VAV2: variants seen among roughly 807,000 people sequenced by gnomAD.
The protein encoded by VAV2 is vav guanine nucleotide exchange factor 2, also known as guanine nucleotide exchange factor VAV2.
Under a neutral mutation model 132.5 loss-of-function variants are expected in VAV2, and 67 were observed. The ratio of observed to expected loss-of-function variants is 0.51; its 90% CI spans 0.42 to 0.62. VAV2 has a LOEUF of 0.62. Ranked by LOEUF, VAV2 falls within the 20% of genes least tolerant of loss-of-function variation. The probability of loss-of-function intolerance (pLI) is 0.00; values close to 1 mark genes in which losing one functional copy is unlikely to be tolerated. For synonymous variants in VAV2, 492 were observed against 443.5 expected (o/e 1.11, Z -1.37); for missense variants, 938 against 1,153.6 (o/e 0.81, Z 2.71).
intron 1 of VAV2, among the ~76,000 whole-genome samples, chr9:133,981,180 T>C (rs987722624): frequency 2.6e-5 from 4 of 152,138 alleles, no homozygotes; most frequent in African/African-American, 7.2e-5. Context: ...ATGGTCCTCA[T>C]GTGAGTATTA....
Position 133,885,531 on chromosome 9 carries a change from G to A in VAV2, c.322-24099C>T, listed in dbSNP as rs755592732. Among the ~76,000 whole-genome samples the A allele has an allele frequency of 7.9e-5, 12 of 152,166 alleles. No individual in the cohort carries two copies. Among genetic ancestry groups the A allele is most frequent in the South Asian group, 2.1e-4 (1 of 4,836 alleles). ...TCGTATTTACTAATAATGGTGCACCGCCAGGAGCGTGCAATGCCATTCAGA... is the reference window on the plus strand; with the variant it reads ...TCGTATTTACTAATAATGGTGCACCACCAGGAGCGTGCAATGCCATTCAGA... On this transcript the variant is annotated intron_variant, in intron 2 of 29. Transcript: ENST00000371850. The surrounding 1 kb of genome is among the most constrained non-coding windows in gnomAD (Gnocchi z 5.0).
chr9:133,850,641 G>T (rs1837130305), intron 3 of VAV2, among the ~76,000 whole-genome samples: 1 of 152,186 alleles, frequency 6.6e-6, no homozygotes, highest in South Asian at 2.1e-4. Flanking sequence ...AATGTGCCAG[G>T]CTCTAGGAGC....
intron 21 of VAV2, 27 bp from the exon 22 acceptor site, chr9:133,778,916 G>A: frequency 6.2e-7 from 1 of 1,607,446 alleles, no homozygotes; most frequent in East Asian, 2.2e-5. Context: ...AGCTCACTCA[G>A]TGACTCAGCA....
intron 4 of VAV2, among the ~76,000 whole-genome samples, chr9:133,815,877 C>T (rs1281779100): frequency 6.6e-6 from 1 of 152,170 alleles, no homozygotes; most frequent in Non-Finnish European, 1.5e-5. Context: ...AACTCCTGGT[C>T]AAAGGGGAGG....
At chr9:133,870,004 ATT>A (rs199576915) in intron 2 of VAV2, among the ~76,000 whole-genome samples, 1 of 151,268 alleles carries the variant, frequency 6.6e-6, no homozygotes, top group African/African-American at 2.4e-5. Context: ...GTTATCCTTC[ATT>A]TTTTTTTCTT....
At chr9:133,864,902 G>A (rs962801427) in intron 2 of VAV2, among the ~76,000 whole-genome samples, 3 of 152,196 alleles carry the variant, frequency 2.0e-5, no homozygotes, top group African/African-American at 7.2e-5. Context: ...AGCTCCTCCG[G>A]GGTAGGAACA....
chr9:133,872,719 C>T (rs776449526), intron 2 of VAV2, among the ~76,000 whole-genome samples: 7 of 142,700 alleles, frequency 4.9e-5, no homozygotes, highest in Middle Eastern at 3.6e-3. Flanking sequence ...GTGGAGTATC[C>T]GGGGCAGCAC....
chr9:133,797,629 A>C, intron 10 of VAV2, 81 bp downstream of exon 10: 1 of 1,233,300 alleles, frequency 8.1e-7, no homozygotes, highest in Non-Finnish European at 1.1e-6. Context: ...TGGGCAAGAG[A>C]GAGGCTGGTA....
intron 16 of VAV2, among the ~76,000 whole-genome samples, chr9:133,786,313 C>CAT (rs1834221441): frequency 6.6e-6 from 1 of 152,208 alleles, no homozygotes; most frequent in African/African-American, 2.4e-5. Flanking sequence ...TGTACTAACA[C>CAT]GTATGATGCA....
chr9:133,954,395 A>G (rs1424955849), intron 1 of VAV2, among the ~76,000 whole-genome samples: 1 of 152,250 alleles, frequency 6.6e-6, no homozygotes, highest in East Asian at 1.9e-4. Context: ...TGAGACGCCC[A>G]ACAGGAGAGA....
intron 1 of VAV2, among the ~76,000 whole-genome samples, chr9:133,978,369 C>G (rs560945413): frequency 1.1e-4 from 16 of 152,316 alleles, no homozygotes; most frequent in Admixed American, 2.6e-4. Flanking sequence ...GGCAGGCACC[C>G]CCTCCCCACC....
chr9:133,802,407 C>T lies in VAV2; in HGVS notation c.836+3674G>A, dbSNP rs1834968718. On this transcript the variant is annotated intron_variant, in intron 9 of 29. Transcript: ENST00000371850. The surrounding 1 kb of genome is among the most constrained non-coding windows in gnomAD (Gnocchi z 5.8). ...GAGCACCTCCCAGGGGCAGCCTCCCCCTCCCCCGCCCCACTCCGGCTGACT... is the reference window on the plus strand; with the variant it reads ...GAGCACCTCCCAGGGGCAGCCTCCCTCTCCCCCGCCCCACTCCGGCTGACT... 6.6e-6 allele frequency among the ~76,000 whole-genome samples: 1 copy of T among 151,654 alleles called. No homozygotes were observed. Among genetic ancestry groups the T allele is most frequent in the Admixed American group, 6.6e-5 (1 of 15,214 alleles).
chr9:133,930,052 C>T (rs1451755540), intron 2 of VAV2, among the ~76,000 whole-genome samples: 5 of 152,250 alleles, frequency 3.3e-5, no homozygotes, highest in Non-Finnish European at 7.3e-5. Flanking sequence ...GTCTGAGATT[C>T]TCAGCTGAAG....
intron 3 of VAV2, among the ~76,000 whole-genome samples, chr9:133,844,078 C>T (rs1348660173): frequency 1.3e-5 from 2 of 152,106 alleles, no homozygotes; most frequent in Non-Finnish European, 2.9e-5. Flanking sequence ...TCCAGAACCT[C>T]GGCAAGGCAG....
At chr9:133,922,258 AC>A (rs1840323810) in intron 2 of VAV2, among the ~76,000 whole-genome samples, 10 of 152,288 alleles carry the variant, frequency 6.6e-5, no homozygotes, top group Admixed American at 6.5e-4. Flanking sequence ...CATAGCCGTG[AC>A]CCCAGAGCGT....
intron 16 of VAV2, 181 bp from the exon 17 acceptor site, chr9:133,786,066 C>G (rs141924642): frequency 3.1e-6 from 2 of 651,804 alleles, no homozygotes; most frequent in Admixed American, 4.2e-5. Context: ...CCATGCTGTA[C>G]GTGCACACGT....
At chr9:133,932,940 G>C (rs1840738390) in intron 2 of VAV2, among the ~76,000 whole-genome samples, 1 of 152,224 alleles carries the variant, frequency 6.6e-6, no homozygotes. Flanking sequence ...CCCTCCCAAT[G>C]CTCCTCCTGG....
chr9:133,874,699 C>A (rs184011547), intron 2 of VAV2, among the ~76,000 whole-genome samples: 1 of 152,272 alleles, frequency 6.6e-6, no homozygotes, highest in Admixed American at 6.5e-5. Flanking sequence ...CCAAGAACCT[C>A]CTGCGCTGCT....
intron 2 of VAV2, among the ~76,000 whole-genome samples, chr9:133,875,030 G>C (rs1169376974): frequency 6.6e-6 from 1 of 152,198 alleles, no homozygotes; most frequent in Non-Finnish European, 1.5e-5. Flanking sequence ...GCCCCAGAAA[G>C]AACAAGGGTG....
Sources: allele counts gnomAD v4.1 joint callset (sites outside exome capture counted in the v4.1 genomes callset), GRCh38; gene constraint gnomAD v4.1.1; non-coding constraint Gnocchi (gnomAD v3.1); transcripts MANE v1.5; gene names NCBI Gene and HGNC (gene_info 2026-07-23, HGNC 2026-07-21).